Variants in ABL2 observed in about 807,000 individuals in gnomAD.
The protein encoded by ABL2 is ABL proto-oncogene 2, non-receptor tyrosine kinase, also known as tyrosine-protein kinase ABL2.
A neutral mutation model predicts 107.7 loss-of-function variants in ABL2; 49 were observed. The observed-to-expected ratio is 0.45, with a 90% confidence interval of 0.36 to 0.58. The LOEUF is 0.58. Among genes scored for constraint, ABL2 ranks in the 20% least tolerant of loss-of-function variants. The pLI is 0.00. For missense variants in ABL2, 1,245 were observed against 1,457.0 expected (o/e 0.85, Z 2.37); for synonymous variants, 549 against 548.6 (o/e 1.00, Z -0.01).
chr1:179,110,288 C>T lies in ABL2; in HGVS notation c.1819G>A (p.Ala607Thr), dbSNP rs1280149657. ...CCTGCTAAGGGACCCATACCTGGTG[C>T]TAAACTGGAAGCAGAATTTTCTGTG... ...DATENSASSL[A>T]PGFIRGAQAS... The change falls in exon 11 of 12, where the codon GCA becomes ACA. Residue 607 changes from alanine to threonine, a missense_variant. Around this residue, in one of 3 missense-constraint regions of ABL2, gnomAD observed 761 missense variants for 766.4 expected, o/e 0.99. Transcript: ENST00000502732. 1.2e-5 allele frequency: 19 copies of T among 1,614,076 alleles called. No homozygotes were observed. Among genetic ancestry groups the T allele is most frequent in the Non-Finnish European group, 1.6e-5 (19 of 1,180,042 alleles).
chr1:179,106,780 G>C lies in ABL2; in HGVS notation c.*938C>G, dbSNP rs147487344. 4 of 231,882 alleles carry C rather than the reference G, an allele frequency of 1.7e-5. No homozygotes were observed. The highest frequency in any genetic ancestry group is 2.6e-5 in the Non-Finnish European group (3 of 117,198). 14.4% of individuals were successfully genotyped at this position (231,882 alleles called of 1,614,324 possible). On this transcript the variant is annotated 3_prime_UTR_variant, in exon 12 of 12. Transcript: ENST00000502732. ...TCCTTGGCCAGTATGTCAGTATGCA[G>C]GGGAACTGTATCAGAACAGGATTCA...
At chr1:179,129,194 C>T (rs1404519669) in intron 3 of ABL2, among the ~76,000 whole-genome samples, 3 of 152,176 alleles carry the variant, frequency 2.0e-5, no homozygotes, top group East Asian at 3.9e-4. Context: ...AAGATAAAGG[C>T]CAGTCATAAC....
intron 4 of ABL2, among the ~76,000 whole-genome samples, chr1:179,125,499 CTT>C (rs539734404): frequency 2.4e-4 from 37 of 152,280 alleles, no homozygotes; most frequent in Non-Finnish European, 4.0e-4. Context: ...CTAAGTCACT[CTT>C]ATATTATTAC....
chr1:179,227,687 TAAAG>T (rs1436438448), intron 1 of ABL2, among the ~76,000 whole-genome samples: 6 of 152,188 alleles, frequency 3.9e-5, no homozygotes, highest in African/African-American at 1.4e-4. Context: ...GTGATTTTAA[TAAAG>T]ATTAGCTCAT....
intron 1 of ABL2, chr1:179,201,636 G>T: frequency 2.1e-6 from 1 of 471,662 alleles, no homozygotes. Context: ...GGATACCCAA[G>T]AGTCTTCCTT....
chr1:179,143,170 C>A (rs1572694966), intron 1 of ABL2: 3 of 1,266,762 alleles, frequency 2.4e-6, no homozygotes, highest in East Asian at 2.9e-5. Flanking sequence ...CCAGAGGGAA[C>A]CAATAAAATG....
chr1:179,175,246 A>G (rs1476325870), intron 1 of ABL2, among the ~76,000 whole-genome samples: 1 of 152,188 alleles, frequency 6.6e-6, no homozygotes, highest in African/African-American at 2.4e-5. Flanking sequence ...TTATGTTTTT[A>G]GCAGAAATGG....
rs1006585398 is a variant in ABL2 at position 179,109,258 on chromosome 1, C to G, written c.2009G>C (p.Ser670Thr). The G allele has an allele frequency of 2.5e-6, 4 of 1,614,104 alleles. No individual in the cohort carries two copies. The African/African-American group carries it at 4.0e-5, about 16-fold the overall frequency. The change falls in exon 12 of 12, where the codon AGC becomes ACC. Residue 670 changes from serine (S) to threonine (T), a missense_variant. By Grantham distance (58) the Ser-to-Thr change is moderately conservative (BLOSUM62 1). Transcript: ENST00000502732. Reference sequence around the variant, plus strand: ...CTGATTCTCCATTTCTCGGAAGGAGCTGCTGCGTTTGGGGGGTGTAGGAGC... The same window carrying G: ...CTGATTCTCCATTTCTCGGAAGGAGGTGCTGCGTTTGGGGGGTGTAGGAGC... ...RNAPTPPKRS[S>T]SFREMENQPH...
intron 1 of ABL2, among the ~76,000 whole-genome samples, chr1:179,223,955 C>T (rs1332263187): frequency 1.5e-5 from 2 of 135,688 alleles, no homozygotes; most frequent in Non-Finnish European, 3.2e-5. Flanking sequence ...TGGCAAAACT[C>T]TGTCTCTACA....
rs896190381 is a variant in ABL2, at chr1:179,107,090, T to C, written c.*628A>G. ...GATTCAACTTTCCAGCATTCTTTAC[T>C]TCCTGCACTAACTGATACACCAGCG... is the stretch of plus-strand genomic sequence containing the variant. On this transcript the variant is annotated 3_prime_UTR_variant, in exon 12 of 12. Transcript: ENST00000502732. 2.6e-5 allele frequency: 6 copies of C among 230,520 alleles called. No homozygotes were observed. Among genetic ancestry groups the C allele is most frequent in the Non-Finnish European group, 5.2e-5 (6 of 116,442 alleles). 14.3% of individuals were successfully genotyped at this position (230,520 alleles called of 1,614,324 possible).
At chr1:179,155,301 C>T (rs183617546) in intron 1 of ABL2, among the ~76,000 whole-genome samples, 62 of 152,286 alleles carry the variant, frequency 4.1e-4, no homozygotes, top group Admixed American at 5.9e-4. Flanking sequence ...CTAATCGGAA[C>T]GATATGCATG....
chr1:179,164,732 A>G (rs1195246068), intron 1 of ABL2, among the ~76,000 whole-genome samples: 1 of 152,192 alleles, frequency 6.6e-6, no homozygotes, highest in African/African-American at 2.4e-5. Flanking sequence ...TTCCCTTGAG[A>G]CTATGGAAGC....
chr1:179,111,861 T>C lies in ABL2; in HGVS notation c.1651+448A>G, dbSNP rs554392479. On this transcript the variant is annotated intron_variant, in intron 10 of 11. Coordinates refer to ENST00000502732, the MANE Select transcript of ABL2 (RefSeq NM_007314.4). ...GAGTTCGAGAGCAGTCTGGCCAACA[T>C]GGCGAAACCCCATCTCTACTAAAAA... Among the ~76,000 whole-genome samples, 4 of 152,192 alleles carry C rather than the reference T, an allele frequency of 2.6e-5. No homozygotes were observed. The East Asian group carries it at 7.8e-4, about 29-fold the overall frequency.
chr1:179,125,499 CTTATA>C (rs1655649171), intron 4 of ABL2, among the ~76,000 whole-genome samples: 1 of 152,162 alleles, frequency 6.6e-6, no homozygotes, highest in African/African-American at 2.4e-5. Flanking sequence ...CTAAGTCACT[CTTATA>C]TTATTACACA....
intron 1 of ABL2, among the ~76,000 whole-genome samples, chr1:179,158,180 A>C (rs1658824345): frequency 6.6e-6 from 1 of 152,218 alleles, no homozygotes; most frequent in African/African-American, 2.4e-5. Flanking sequence ...AGAATAGGCA[A>C]AAGGTAGAGA....
chr1:179,168,051 C>A (rs1659498655), intron 1 of ABL2, among the ~76,000 whole-genome samples: 1 of 152,166 alleles, frequency 6.6e-6, no homozygotes, highest in South Asian at 2.1e-4. Context: ...AGATAAGTTA[C>A]AAATTCAGCT....
intron 1 of ABL2, among the ~76,000 whole-genome samples, chr1:179,170,115 CTGG>C (rs905113001): frequency 6.6e-6 from 1 of 152,162 alleles, no homozygotes; most frequent in Non-Finnish European, 1.5e-5. Context: ...GCACCAACAT[CTGG>C]TGAAGGTCAT....
At chr1:179,116,097 A>C (rs1041634071) in intron 8 of ABL2, among the ~76,000 whole-genome samples, 24 of 152,050 alleles carry the variant, frequency 1.6e-4, no homozygotes, top group Non-Finnish European at 2.6e-4. Flanking sequence ...TGTGAGGCTG[A>C]GCACAGTGGC....
chr1:179,187,241 G>A (rs1434323115), intron 1 of ABL2, among the ~76,000 whole-genome samples: 2 of 152,244 alleles, frequency 1.3e-5, no homozygotes, highest in East Asian at 3.9e-4. Flanking sequence ...AGATGCAGCA[G>A]GTTTGCCAGT....
Sources: gnomAD v4.1 joint callset for allele counts (sites outside exome capture counted in the v4.1 genomes callset) on GRCh38, gnomAD v4.1.1 for gene constraint, gnomAD v4.1.1 regional missense constraint, MANE v1.5 for transcripts, NCBI Gene and HGNC (gene_info 2026-07-23, HGNC 2026-07-21) for gene names.